The following ZNF462 variants were observed in gnomAD, a reference collection of about 807,000 sequenced individuals.
ZNF462 encodes the protein zinc finger PBX1-interacting protein.
In ZNF462, 10 loss-of-function variants were observed where a neutral mutation model predicts 201.9. The observed-to-expected ratio is 0.05, with a 90% CI of 0.03 to 0.08. The LOEUF is 0.08. Among genes scored for constraint, ZNF462 ranks in the 10% least tolerant of loss-of-function variants. The pLI is 1.00. For synonymous variants in ZNF462, 1,227 were observed against 1,193.3 expected (o/e 1.03, Z -0.58); for missense variants, 2,523 against 3,168.3 (o/e 0.80, Z 4.89).
At chr9:107,007,529 A>G (rs757096292) in intron 11 of ZNF462, among the ~76,000 whole-genome samples, 2 of 152,210 alleles carry the variant, frequency 1.3e-5, no homozygotes, top group East Asian at 3.8e-4. Context: ...GATTTACATG[A>G]GTAACTTCCA....
chr9:106,906,385 C>T (rs1485222879), intron 1 of ZNF462, among the ~76,000 whole-genome samples: 1 of 152,204 alleles, frequency 6.6e-6, no homozygotes, highest in Non-Finnish European at 1.5e-5. Context: ...CCTGGAGCTA[C>T]AATCTATTCC....
At chr9:106,973,260 A>G (rs1313038146) in intron 8 of ZNF462, among the ~76,000 whole-genome samples, 3 of 151,934 alleles carry the variant, frequency 2.0e-5, no homozygotes, top group Non-Finnish European at 4.4e-5. Context: ...GACTACTTCA[A>G]TACATGCTTC....
chr9:106,955,604 G>A (rs1247607046), intron 7 of ZNF462, among the ~76,000 whole-genome samples: 1 of 152,104 alleles, frequency 6.6e-6, no homozygotes, highest in Non-Finnish European at 1.5e-5. Context: ...AGTTTTATCT[G>A]CAGCATGCAG....
At position 106,981,070 on chromosome 9, in the gene ZNF462, CCATGT is replaced by C. The variant is rs1358400004; in HGVS notation, c.6833-3115_6833-3111del. On this transcript the variant is annotated intron_variant, in intron 9 of 12. Coordinates refer to ENST00000277225, the MANE Select transcript of ZNF462 (RefSeq NM_021224.6). This position sits in a 1 kb window ranked among gnomAD's most constrained non-coding sequence, Gnocchi z 4.0. ...TTTATTTTTATCTTGGTCATGTTAA[CCATGT>C]TTTTAGAAAGGGGAAAAAGCTAACT... Among the ~76,000 whole-genome samples the C allele has an allele frequency of 1.3e-5, 2 of 152,058 alleles. No individual in the cohort carries two copies. The highest frequency in any genetic ancestry group is 2.4e-5 in the African/African-American group (1 of 41,408).
chr9:106,963,604 T>C lies in ZNF462; in HGVS notation c.6428-8401T>C, dbSNP rs1831937418. ...TTCTTAAGTACCATCATTAAGTATT[T>C]ATGGTGATAATTAAAGTTTATGAAG... is the stretch of plus-strand genomic sequence containing the variant. On this transcript the variant is annotated intron_variant, in intron 7 of 12. Coordinates refer to ENST00000277225, the MANE Select transcript of ZNF462 (RefSeq NM_021224.6). This position sits in a 1 kb window ranked among gnomAD's most constrained non-coding sequence, Gnocchi z 4.7. Among the ~76,000 whole-genome samples the C allele has an allele frequency of 6.6e-6, 1 of 152,030 alleles. No individual in the cohort carries two copies. Among genetic ancestry groups the C allele is most frequent in the Non-Finnish European group, 1.5e-5 (1 of 67,990 alleles).
intron 10 of ZNF462, among the ~76,000 whole-genome samples, chr9:106,987,627 C>T (rs1827953778): frequency 6.6e-6 from 1 of 152,102 alleles, no homozygotes; most frequent in African/African-American, 2.4e-5. Flanking sequence ...GTTTACTCTG[C>T]TAACTATTCT....
At chr9:106,964,391 A>G (rs1436096934) in intron 7 of ZNF462, among the ~76,000 whole-genome samples, 2 of 152,056 alleles carry the variant, frequency 1.3e-5, no homozygotes, top group Non-Finnish European at 2.9e-5. Context: ...TGCCTTAAGC[A>G]TTTTAATTTC....
chr9:106,991,393 A>G (rs1784477130), intron 10 of ZNF462, among the ~76,000 whole-genome samples: 1 of 152,052 alleles, frequency 6.6e-6, no homozygotes, highest in South Asian at 2.1e-4. Flanking sequence ...GCTGAGAGAA[A>G]TTTATAAAAC....
Position 106,925,556 on chromosome 9 carries a change from GCCGCCGCCACCA to G in ZNF462, c.1647_1658del (p.Pro551_Pro554del). 1 of 1,606,864 alleles carries G rather than the reference GCCGCCGCCACCA, an allele frequency of 6.2e-7. No homozygotes were observed. Among genetic ancestry groups the G allele is most frequent in the Middle Eastern group, 1.7e-4 (1 of 6,036 alleles). ...AACAGCCACCGCAGCCACCACCACC[GCCGCCGCCACCA>G]CCACCATCACAGCCACAGCCACTGC... On this transcript the variant is annotated inframe_deletion, in exon 3 of 13. Coordinates refer to ENST00000277225, the MANE Select transcript of ZNF462 (RefSeq NM_021224.6). This position sits in a 1 kb window ranked among gnomAD's most constrained non-coding sequence, Gnocchi z 7.9.
chr9:106,866,950 A>G (rs1383797178), intron 1 of ZNF462, among the ~76,000 whole-genome samples: 1 of 152,148 alleles, frequency 6.6e-6, no homozygotes, highest in Non-Finnish European at 1.5e-5. Context: ...CAATTGGTTC[A>G]TTTGCTCATT....
Position 106,929,767 on chromosome 9 carries a change from T to TA in ZNF462, c.5847+9dup. The TA allele has an allele frequency of 6.3e-7, 1 of 1,599,814 alleles. No homozygotes were observed. The highest frequency in any genetic ancestry group is 1.7e-4 in the Middle Eastern group (1 of 5,990). ...GATTTCAAACAAGAGAGGGTAAGGA[T>TA]ATGTTTTGATTTCCCTTCCCCCAGG... On this transcript the variant is annotated intron_variant, in intron 3 of 12. Coordinates refer to ENST00000277225, the MANE Select transcript of ZNF462 (RefSeq NM_021224.6). The surrounding 1 kb of genome is among the most constrained non-coding windows in gnomAD (Gnocchi z 8.7).
rs1829784204 is a variant in ZNF462, at chr9:107,009,337, G to A, written c.7190-208G>A. 2 of 592,788 alleles carry A rather than the reference G, an allele frequency of 3.4e-6. No homozygotes were observed. The highest frequency in any genetic ancestry group is 5.9e-5 in the East Asian group (2 of 33,788). The allele number at this position is 592,788 out of a possible 1,614,324, so 36.7% of individuals were successfully genotyped here. A position where few individuals can be genotyped will look rare whatever the true frequency, so the allele number is the denominator to read the frequency against. On this transcript the variant is annotated intron_variant, in intron 11 of 12. Coordinates refer to ENST00000277225, the MANE Select transcript of ZNF462 (RefSeq NM_021224.6). This position sits in a 1 kb window ranked among gnomAD's most constrained non-coding sequence, Gnocchi z 6.1. ...GGGAGGTGAGGCGAAATGAGGTCTT[G>A]GGGCCCAAGAACCAGAAACAGTTCT... is the stretch of plus-strand genomic sequence containing the variant.
intron 1 of ZNF462, among the ~76,000 whole-genome samples, chr9:106,863,713 T>C (rs150177230): frequency 8.4e-4 from 128 of 152,008 alleles, no homozygotes; most frequent in Non-Finnish European, 1.5e-3. Context: ...GGTGGCTTAA[T>C]TAATTTCGTG....
chr9:107,010,977 G>A lies in ZNF462; in HGVS notation c.7468G>A (p.Val2490Ile). The change falls in exon 13 of 13, where the codon GTA becomes ATA. Residue 2490 changes from valine to isoleucine, a missense_variant. Coordinates refer to ENST00000277225, the MANE Select transcript of ZNF462 (RefSeq NM_021224.6). The surrounding 1 kb of genome is among the most constrained non-coding windows in gnomAD (Gnocchi z 4.6). ...AAAGAATGAAACAGTAGCCATCTGTGTAGTAACTGCCGACAAATCTCTCCT... is the reference window on the plus strand; with the variant it reads ...AAAGAATGAAACAGTAGCCATCTGTATAGTAACTGCCGACAAATCTCTCCT... ...SLKNETVAIC[V>I]VTADKSLLEN... 6.2e-7 allele frequency: 1 copy of A among 1,613,792 alleles called. No individual in the cohort carries two copies. Among genetic ancestry groups the A allele is most frequent in the Non-Finnish European group, 8.5e-7 (1 of 1,179,894 alleles).
At chr9:106,882,332 T>C (rs1270523802) in intron 1 of ZNF462, among the ~76,000 whole-genome samples, 1 of 152,222 alleles carries the variant, frequency 6.6e-6, no homozygotes, top group Non-Finnish European at 1.5e-5. Context: ...TTTTTAAAAA[T>C]GTCATATTGC....
chr9:106,984,139 T>G lies in ZNF462; in HGVS notation c.6833-47T>G. ...TATTCCAAAGAAAGAACTTCTGTTT[T>G]GCCATCAGTAAAAATTCCCATCTTT... On this transcript the variant is annotated intron_variant, in intron 9 of 12. Transcript: ENST00000277225. This position sits in a 1 kb window ranked among gnomAD's most constrained non-coding sequence, Gnocchi z 6.4. The G allele has an allele frequency of 6.5e-7, 1 of 1,540,464 alleles. No homozygotes were observed.
At chr9:106,869,347 A>G (rs1327588295) in intron 1 of ZNF462, among the ~76,000 whole-genome samples, 1 of 152,092 alleles carries the variant, frequency 6.6e-6, no homozygotes, top group Non-Finnish European at 1.5e-5. Context: ...ACCTTTTCCC[A>G]TTTTCCCAGT....
Position 106,923,741 on chromosome 9 carries a change from A to G in ZNF462, c.220+138A>G, listed in dbSNP as rs1417344713. On this transcript the variant is annotated intron_variant, in intron 2 of 12. Transcript: ENST00000277225. This position sits in a 1 kb window ranked among gnomAD's most constrained non-coding sequence, Gnocchi z 5.6. ...TGCTAGCCATTTTTGTGGTTTGGGC[A>G]TCATGTATCTCTCCTTGAGTACCTT... 1 of 793,064 alleles carries G rather than the reference A, an allele frequency of 1.3e-6. No homozygotes were observed. The highest frequency in any genetic ancestry group is 1.8e-5 in the South Asian group (1 of 55,642). 49.1% of individuals were successfully genotyped at this position (793,064 alleles called of 1,614,324 possible).
Position 107,011,637 on chromosome 9 carries a change from C to T in ZNF462, c.*607C>T, listed in dbSNP as rs1024820057. 1 of 151,558 alleles carries T rather than the reference C, an allele frequency of 6.6e-6. No individual in the cohort carries two copies. The highest frequency in any genetic ancestry group is 1.5e-5 in the Non-Finnish European group (1 of 67,970). The allele number at this position is 151,558 out of a possible 1,614,324, so 9.4% of individuals were successfully genotyped here. On this transcript the variant is annotated 3_prime_UTR_variant, in exon 13 of 13. Transcript: ENST00000277225. The surrounding 1 kb of genome is among the most constrained non-coding windows in gnomAD (Gnocchi z 5.6). ...TCGTTGTGGTTAAATGTAGAGAGAA[C>T]TGCTGGGCAAGATGGTGAATGGAGA...
Sources: gnomAD v4.1 joint callset for allele counts (sites outside exome capture counted in the v4.1 genomes callset) on GRCh38, gnomAD v4.1.1 for gene constraint, Gnocchi (gnomAD v3.1) non-coding constraint, MANE v1.5 for transcripts, NCBI Gene and HGNC (gene_info 2026-07-23, HGNC 2026-07-21) for gene names.